The following GNB5 variants were observed in gnomAD, a reference collection of about 807,000 sequenced individuals.
GNB5 encodes the protein guanine nucleotide-binding protein subunit beta-5.
GNB5 carries 37 observed loss-of-function variants against 55.3 expected under a neutral mutation model. The ratio of observed to expected loss-of-function variants is 0.67; its 90% confidence interval spans 0.51 to 0.88. GNB5 has a LOEUF of 0.88. Among genes scored for constraint, GNB5 ranks in the 40% least tolerant of loss-of-function variants. The probability of loss-of-function intolerance (pLI) is 0.00; values close to 1 mark genes in which losing one functional copy is unlikely to be tolerated. For synonymous variants in GNB5, 219 were observed against 198.5 expected, an observed-to-expected ratio of 1.10 and a Z score of -0.87; for missense variants, 476 against 515.3, an observed-to-expected ratio of 0.92 and a Z score of 0.74.
chr15:52,180,772 A>C (rs1157108916), intron 2 of GNB5: 24 of 152,256 alleles, frequency 1.6e-4, no homozygotes, highest in Admixed American at 1.5e-3. Context: ...CAAGCGCCTG[A>C]AGTGTGAGAG....
chr15:52,162,363 G>A (rs1043541723), intron 3 of GNB5, among the ~76,000 whole-genome samples: 1 of 152,132 alleles, frequency 6.6e-6, no homozygotes, highest in African/African-American at 2.4e-5. Context: ...AAAAGATATG[G>A]TGTGCAGCTC....
chr15:52,183,599 A>G (rs1449970148), intron 2 of GNB5, among the ~76,000 whole-genome samples: 1 of 152,240 alleles, frequency 6.6e-6, no homozygotes, highest in Non-Finnish European at 1.5e-5. Context: ...AATCAGGAGG[A>G]TAAAAAGTGC....
rs759880078 is a variant in GNB5 at position 52,141,186 on chromosome 15, T to C, written c.581A>G (p.His194Arg). The C allele has an allele frequency of 2.5e-6, 4 of 1,614,068 alleles. No homozygotes were observed. Among genetic ancestry groups the C allele is most frequent in the Non-Finnish European group, 3.4e-6 (4 of 1,179,954 alleles). Reference sequence around the variant, plus strand: ...GCTGCAGGCCGACAGGTAGTTGGTGTGCATAGCAACAGACTTCTTTTTGGC... The same window carrying C: ...GCTGCAGGCCGACAGGTAGTTGGTGCGCATAGCAACAGACTTCTTTTTGGC... ...MAAKKKSVAM[H>R]TNYLSACSFT... is the part of the protein sequence containing the mutation. The change falls in exon 7 of 13, where the codon CAC becomes CGC. Residue 194 changes from histidine to arginine, a missense_variant. Physicochemically the swap from His to Arg is conservative, Grantham distance 29. Transcript: ENST00000261837.
At chr15:52,164,305 T>C (rs563846334) in intron 3 of GNB5, among the ~76,000 whole-genome samples, 19 of 57,450 alleles carry the variant, frequency 3.3e-4, no homozygotes, top group Middle Eastern at 0.01. Context: ...CAAGACTCTG[T>C]CTTAAAAAAA....
Position 52,144,910 on chromosome 15 carries a change from C to T in GNB5, c.494+2549G>A, listed in dbSNP as rs148885587. Among the ~76,000 whole-genome samples, 43 of 152,308 alleles carry T rather than the reference C, an allele frequency of 2.8e-4. No individual in the cohort carries two copies. In the East Asian group the frequency reaches 7.1e-3, roughly 25 times the overall value. On this transcript the variant is annotated intron_variant, in intron 6 of 12. Transcript: ENST00000261837. ...TGACTCGCAGCTCCATGTCTGGATG[C>T]CTCCTGGCTTCTGCCCCAGGGGTCT...
rs979364115 is a variant in GNB5, at chr15:52,117,496, C to G, written c.*5261G>C. 6.6e-6 allele frequency: 1 copy of G among 152,262 alleles called. No homozygotes were observed. The highest frequency in any genetic ancestry group is 2.4e-5 in the African/African-American group (1 of 41,464). The allele number at this position is 152,262 out of a possible 1,614,324, so 9.4% of individuals were successfully genotyped here. A position where few individuals can be genotyped will look rare whatever the true frequency, so the allele number is the denominator to read the frequency against. On this transcript the variant is annotated 3_prime_UTR_variant, in exon 13 of 13. Coordinates refer to ENST00000261837, the MANE Select transcript of GNB5 (RefSeq NM_016194.4). ...TCCATTAACCAACTCCTCCCCACCC[C>G]CTGCTGCATCCTTTTTCTAATGACA...
intron 4 of GNB5, among the ~76,000 whole-genome samples, chr15:52,152,535 G>C (rs561590283): frequency 1.3e-5 from 2 of 151,926 alleles, no homozygotes; most frequent in Admixed American, 1.3e-4. Flanking sequence ...ATGTTGGCCA[G>C]GTTAGTCTTG....
At chr15:52,156,962 G>A (rs1479559997) in intron 3 of GNB5, among the ~76,000 whole-genome samples, 5 of 147,232 alleles carry the variant, frequency 3.4e-5, no homozygotes, top group African/African-American at 7.6e-5. Flanking sequence ...TTGAGACGGA[G>A]TCTCGCTCGG....
Position 52,117,944 on chromosome 15 carries a change from C to A in GNB5, c.*4813G>T, listed in dbSNP as rs1329583085. 1 of 152,548 alleles carries A rather than the reference C, an allele frequency of 6.6e-6. No individual in the cohort carries two copies. Among genetic ancestry groups the A allele is most frequent in the Admixed American group, 6.5e-5 (1 of 15,290 alleles). 9.4% of individuals were successfully genotyped at this position (152,548 alleles called of 1,614,324 possible). ...TCTACAAATCCCCACTCAATCAGCTCTTCCAGGCTTGGGAATGGCCTGGGC... is the reference window on the plus strand; with the variant it reads ...TCTACAAATCCCCACTCAATCAGCTATTCCAGGCTTGGGAATGGCCTGGGC... On this transcript the variant is annotated 3_prime_UTR_variant, in exon 13 of 13. Transcript: ENST00000261837.
intron 3 of GNB5, among the ~76,000 whole-genome samples, chr15:52,157,365 G>C (rs570539844): frequency 6.6e-6 from 1 of 151,660 alleles, no homozygotes; most frequent in South Asian, 2.1e-4. Flanking sequence ...TCCTGCCTCA[G>C]CCTCCAGAGT....
intron 3 of GNB5, among the ~76,000 whole-genome samples, chr15:52,167,580 A>C (rs1596097558): frequency 6.6e-6 from 1 of 152,066 alleles, no homozygotes; most frequent in African/African-American, 2.4e-5. Flanking sequence ...CTGAGGCAGG[A>C]GAATCGCCTG....
intron 2 of GNB5, among the ~76,000 whole-genome samples, chr15:52,181,666 G>A (rs1871846800): frequency 6.6e-6 from 1 of 152,126 alleles, no homozygotes; most frequent in Admixed American, 6.6e-5. Context: ...TAGTGTGGGT[G>A]AAGACTTTAG....
intron 7 of GNB5, chr15:52,140,272 A>C: frequency 1.3e-5 from 2 of 157,596 alleles, no homozygotes; most frequent in Non-Finnish European, 1.4e-5. Context: ...CCAAAATCTG[A>C]CTCACCCCTG....
chr15:52,166,140 A>T (rs1329104063), intron 3 of GNB5, among the ~76,000 whole-genome samples: 4 of 152,248 alleles, frequency 2.6e-5, no homozygotes, highest in African/African-American at 9.6e-5. Flanking sequence ...AAGAAGAGCT[A>T]ACTATTCTAA....
At chr15:52,161,241 G>A (rs1292490125) in intron 3 of GNB5, among the ~76,000 whole-genome samples, 3 of 152,258 alleles carry the variant, frequency 2.0e-5, no homozygotes, top group South Asian at 4.1e-4. Context: ...TCAAGGAGTA[G>A]GTGAGGCACT....
chr15:52,148,521 C>T (rs950473190), intron 5 of GNB5, among the ~76,000 whole-genome samples: 10 of 152,152 alleles, frequency 6.6e-5, no homozygotes, highest in South Asian at 2.1e-4. Context: ...CCAGGGTCCA[C>T]GTCTCCCATG....
chr15:52,173,772 C>A (rs1027697761), intron 3 of GNB5, among the ~76,000 whole-genome samples: 6 of 152,272 alleles, frequency 3.9e-5, no homozygotes, highest in African/African-American at 1.4e-4. Flanking sequence ...TCCCTTCACC[C>A]CTCCCTGGAT....
intron 6 of GNB5, among the ~76,000 whole-genome samples, chr15:52,142,448 C>G (rs1454844637): frequency 6.6e-6 from 1 of 152,090 alleles, no homozygotes; most frequent in East Asian, 1.9e-4. Context: ...CCCAGTATCA[C>G]TGTACACCCA....
intron 4 of GNB5, among the ~76,000 whole-genome samples, chr15:52,152,340 A>G (rs987985932): frequency 1.3e-5 from 2 of 150,718 alleles, no homozygotes; most frequent in African/African-American, 4.9e-5. Flanking sequence ...TTTTTGGAGA[A>G]AAAAAAACAG....
Sources: allele counts gnomAD v4.1 joint callset (sites outside exome capture counted in the v4.1 genomes callset), GRCh38; gene constraint gnomAD v4.1.1; transcripts MANE v1.5; gene names NCBI Gene and HGNC (gene_info 2026-07-23, HGNC 2026-07-21).